Variants in DEPDC5 observed in about 807,000 individuals in gnomAD.
The protein encoded by DEPDC5 is DEP domain containing 5, GATOR1 subcomplex subunit.
Under a neutral mutation model 217.3 loss-of-function variants are expected in DEPDC5, and 73 were observed. That is an observed-to-expected ratio of 0.34 (90% CI 0.28 to 0.41). The LOEUF (loss-of-function observed/expected upper bound fraction) is 0.41, where lower values mean the gene tolerates loss of function less well. Among genes scored for constraint, DEPDC5 ranks in the 10% least tolerant of loss-of-function variants. The pLI is 1.00. For missense variants in DEPDC5, 1,675 were observed against 2,070.1 expected, an observed-to-expected ratio of 0.81 and a Z score of 3.70; for synonymous variants, 733 against 756.7, an observed-to-expected ratio of 0.97 and a Z score of 0.51.
intron 20 of DEPDC5, among the ~76,000 whole-genome samples, chr22:31,813,558 G>A (rs1035527962): frequency 4.6e-5 from 7 of 152,120 alleles, no homozygotes; most frequent in South Asian, 2.1e-4. Context: ...GGGCAGCCCC[G>A]TTGGTGGGCT....
chr22:31,856,153 GCGCACACACACACACA>G (rs1019847805), intron 31 of DEPDC5, among the ~76,000 whole-genome samples: 25 of 108,264 alleles, frequency 2.3e-4, no homozygotes, highest in African/African-American at 6.9e-4. Context: ...TTGGGCCAAC[GCGCACACACACACACA>G]CACACACACA....
At chr22:31,826,318 A>G (rs1397029301) in intron 24 of DEPDC5, among the ~76,000 whole-genome samples, 1 of 152,132 alleles carries the variant, frequency 6.6e-6, no homozygotes, top group African/African-American at 2.4e-5. Context: ...GAGATTGACT[A>G]TTAAATGTGA....
chr22:31,785,360 C>T lies in DEPDC5; in HGVS notation c.624+485C>T, dbSNP rs141223143. Among the ~76,000 whole-genome samples the T allele has an allele frequency of 9.2e-4, 140 of 152,206 alleles. 2 individuals carry two copies. Among genetic ancestry groups the T allele is most frequent in the South Asian group, 1.9e-3 (9 of 4,820 alleles). On this transcript the variant is annotated intron_variant, in intron 10 of 42. Coordinates refer to ENST00000651528, the MANE Select transcript of DEPDC5 (RefSeq NM_001242896.3). ...ACAAAATCAATTGTATTTCTATATA[C>T]CAGCAATAAACAATCTGAAAGAATA...
chr22:31,897,794 A>C, intron 40 of DEPDC5, 141 bp downstream of exon 40: 1 of 969,638 alleles, frequency 1.0e-6, no homozygotes, highest in Non-Finnish European at 1.5e-6. Flanking sequence ...TCAAGGTTCT[A>C]AAGGATCCTG....
chr22:31,826,610 C>G (rs1210477166), intron 24 of DEPDC5: 1 of 335,350 alleles, frequency 3.0e-6, no homozygotes, highest in African/African-American at 2.2e-5. Context: ...GTGGTTCCCC[C>G]TCCTTCCCAT....
intron 38 of DEPDC5, among the ~76,000 whole-genome samples, chr22:31,891,996 G>C (rs1158636913): frequency 6.6e-6 from 1 of 152,198 alleles, no homozygotes; most frequent in East Asian, 1.9e-4. Flanking sequence ...GCATCCTTGA[G>C]CAACATGTCA....
chr22:31,822,741 C>G lies in DEPDC5; in HGVS notation c.2055C>G (p.Phe685Leu), dbSNP rs61731667. 6.8e-6 allele frequency: 11 copies of G among 1,613,990 alleles called. No individual in the cohort carries two copies. Among genetic ancestry groups the G allele is most frequent in the Middle Eastern group, 1.6e-4 (1 of 6,084 alleles). The change falls in exon 24 of 43, where the codon TTC (phenylalanine) becomes TTG (leucine). Residue 685 changes from phenylalanine to leucine, a missense_variant. This residue lies in a region of DEPDC5 where 136 missense variants were observed against 132.2 expected (regional missense o/e 1.03). Coordinates refer to ENST00000651528, the MANE Select transcript of DEPDC5 (RefSeq NM_001242896.3). ...GTGACGGCATGTCCTTCTTGAACTT[C>G]AGTGGAACAGAGGAGCTTTCTGTCG... ...QPGDGMSFLN[F>L]SGTEELSVGL...
At chr22:31,877,216 G>T (rs2093018048) in intron 37 of DEPDC5, among the ~76,000 whole-genome samples, 1 of 150,762 alleles carries the variant, frequency 6.6e-6, no homozygotes, top group Non-Finnish European at 1.5e-5. Context: ...CAGGTGGATT[G>T]CCTGAGCTCA....
chr22:31,758,238 G>A (rs1469568073), intron 2 of DEPDC5, among the ~76,000 whole-genome samples: 1 of 152,120 alleles, frequency 6.6e-6, no homozygotes, highest in Non-Finnish European at 1.5e-5. Flanking sequence ...TATTTGAGGG[G>A]GTAAAAGGCT....
chr22:31,789,261 A>G (rs150803074), intron 10 of DEPDC5, among the ~76,000 whole-genome samples: 1 of 152,252 alleles, frequency 6.6e-6, no homozygotes, highest in Non-Finnish European at 1.5e-5. Flanking sequence ...TAAAGCATAG[A>G]TAAATAAAAT....
chr22:31,873,172 G>A (rs1569166360), intron 34 of DEPDC5, 83 bp from the exon 35 acceptor site: 1 of 1,608,416 alleles, frequency 6.2e-7, no homozygotes. Flanking sequence ...GGCTCCATAG[G>A]AAGTGGAGAC....
intron 38 of DEPDC5, among the ~76,000 whole-genome samples, chr22:31,884,991 T>G (rs2093270784): frequency 6.6e-6 from 1 of 152,178 alleles, no homozygotes; most frequent in South Asian, 2.1e-4. Context: ...CCTTACTCTG[T>G]CTCCTCTATG....
Position 31,764,970 on chromosome 22 carries a change from T to C in DEPDC5, c.194-5T>C, listed in dbSNP as rs752848631. 44 of 1,610,836 alleles carry C rather than the reference T, an allele frequency of 2.7e-5. No homozygotes were observed. Among genetic ancestry groups the C allele is most frequent in the Non-Finnish European group, 3.7e-5 (44 of 1,177,178 alleles). On this transcript the variant is annotated splice_region_variant and splice_polypyrimidine_tract_variant and intron_variant, in intron 4 of 42. Transcript: ENST00000651528. ...TATCTGAGCCAGATATTGTTTCTGTTTTAGAAACTATCAGTGTGGACCAGA... is the reference window on the plus strand; with the variant it reads ...TATCTGAGCCAGATATTGTTTCTGTCTTAGAAACTATCAGTGTGGACCAGA...
rs910158515 is a variant in DEPDC5, at chr22:31,906,851, C to G, written c.*354C>G. 1 of 395,118 alleles carries G rather than the reference C, an allele frequency of 2.5e-6. No individual in the cohort carries two copies. The highest frequency in any genetic ancestry group is 4.7e-6 in the Non-Finnish European group (1 of 214,942). 24.5% of individuals were successfully genotyped at this position (395,118 alleles called of 1,614,324 possible). ...GGAAGGGGGTGGCTCCTGGTAGCAT[C>G]CTTTTCCTTCACCATCTATGGGATA... is the stretch of plus-strand genomic sequence containing the variant. On this transcript the variant is annotated 3_prime_UTR_variant, in exon 43 of 43. Transcript: ENST00000651528. The surrounding 1 kb of genome is among the most constrained non-coding windows in gnomAD (Gnocchi z 5.1).
intron 37 of DEPDC5, among the ~76,000 whole-genome samples, chr22:31,878,779 C>T (rs540387009): frequency 6.6e-5 from 10 of 152,026 alleles, no homozygotes; most frequent in African/African-American, 2.4e-4. Context: ...TGACACACGC[C>T]TGTAATCCCA....
chr22:31,778,890 A>G (rs1345371697), intron 8 of DEPDC5, among the ~76,000 whole-genome samples: 2 of 152,186 alleles, frequency 1.3e-5, no homozygotes, highest in Non-Finnish European at 2.9e-5. Context: ...GACAATGTCT[A>G]AAGACATATT....
chr22:31,791,980 T>C (rs370657819), intron 10 of DEPDC5, 53 bp from the exon 11 acceptor site: 11 of 948,902 alleles, frequency 1.2e-5, no homozygotes, highest in Middle Eastern at 2.2e-4. Context: ...GTCTGCTTCA[T>C]AGTGAAGTAA....
chr22:31,756,942 A>T (rs185588898), intron 2 of DEPDC5, among the ~76,000 whole-genome samples: 35 of 151,810 alleles, frequency 2.3e-4, no homozygotes, highest in African/African-American at 4.1e-4. Flanking sequence ...AAAATAATAA[A>T]AAAAAAAGAA....
At position 31,809,511 on chromosome 22, in the gene DEPDC5, C is replaced by T. The variant is rs369915493; in HGVS notation, c.1288-100C>T. On this transcript the variant is annotated intron_variant, in intron 18 of 42. Coordinates refer to ENST00000651528, the MANE Select transcript of DEPDC5 (RefSeq NM_001242896.3). ...TTAGCTCCTGCCTTTCTGTCAGTTACAGGCTGTCTTCCCTGGGAGCAGCAC... is the reference window on the plus strand; with the variant it reads ...TTAGCTCCTGCCTTTCTGTCAGTTATAGGCTGTCTTCCCTGGGAGCAGCAC... 12 of 1,296,016 alleles carry T rather than the reference C, an allele frequency of 9.3e-6. No homozygotes were observed. In the African/African-American group the frequency reaches 1.6e-4, roughly 17 times the overall value. The allele number at this position is 1,296,016 out of a possible 1,614,324, so 80.3% of individuals were successfully genotyped here.
Sources: gnomAD v4.1 joint callset for allele counts (sites outside exome capture counted in the v4.1 genomes callset) on GRCh38, gnomAD v4.1.1 for gene constraint, gnomAD v4.1.1 regional missense constraint, Gnocchi (gnomAD v3.1) non-coding constraint, MANE v1.5 for transcripts, NCBI Gene and HGNC (gene_info 2026-07-23, HGNC 2026-07-21) for gene names.